TBL1XR1: variants seen among roughly 807,000 people sequenced by gnomAD.
TBL1XR1 encodes F-box-like/WD repeat-containing protein TBL1XR1.
TBL1XR1 carries 5 observed loss-of-function variants against 66.9 expected under a neutral mutation model. The observed-to-expected ratio is 0.07, with a 90% CI of 0.04 to 0.16. The LOEUF is 0.16. Ranked by LOEUF, TBL1XR1 falls within the 10% of genes least tolerant of loss-of-function variation. The pLI is 1.00. For synonymous variants in TBL1XR1, 210 were observed against 206.0 expected, an observed-to-expected ratio of 1.02 and a Z score of -0.17; for missense variants, 238 against 623.2, an observed-to-expected ratio of 0.38 and a Z score of 6.58.
intron 1 of TBL1XR1, among the ~76,000 whole-genome samples, chr3:177,193,681 T>A (rs1309038339): frequency 6.6e-6 from 1 of 152,162 alleles, no homozygotes; most frequent in African/African-American, 2.4e-5. Flanking sequence ...CATTTACCCA[T>A]GTAATCACTC....
upstream of TBL1XR1, among the ~76,000 whole-genome samples, chr3:177,201,412 C>A (rs2109036566): frequency 1.1e-5 from 1 of 88,822 alleles, no homozygotes. Context: ...GAGATTACAT[C>A]TCAAAAAAAA....
chr3:177,137,255 G>A (rs780037327), intron 1 of TBL1XR1, among the ~76,000 whole-genome samples: 1 of 152,252 alleles, frequency 6.6e-6, no homozygotes, highest in Non-Finnish European at 1.5e-5. Flanking sequence ...CACTTTGGGA[G>A]GCCAAGACGG....
intron 2 of TBL1XR1, among the ~76,000 whole-genome samples, chr3:177,074,740 CTAATA>C (rs909879855): frequency 2.0e-5 from 3 of 152,146 alleles, no homozygotes; most frequent in African/African-American, 7.2e-5. Context: ...GCTGAACAAC[CTAATA>C]TAACAAAATG....
At chr3:177,090,507 C>T (rs1184401268) in intron 2 of TBL1XR1, among the ~76,000 whole-genome samples, 2 of 131,634 alleles carry the variant, frequency 1.5e-5, no homozygotes, top group Middle Eastern at 3.6e-3. Context: ...CAGGGAGACA[C>T]TGTCTCTACT....
intron 10 of TBL1XR1, among the ~76,000 whole-genome samples, chr3:177,043,602 A>G (rs1715906244): frequency 1.3e-5 from 2 of 152,132 alleles, no homozygotes; most frequent in Admixed American, 6.5e-5. Flanking sequence ...TATTTGAAGT[A>G]TATTTTACAT....
At chr3:177,076,183 A>G (rs1389549488) in intron 2 of TBL1XR1, among the ~76,000 whole-genome samples, 1 of 152,130 alleles carries the variant, frequency 6.6e-6, no homozygotes, top group Admixed American at 6.5e-5. Flanking sequence ...TCACAATTCT[A>G]TTCACTGAGG....
intron 1 of TBL1XR1, among the ~76,000 whole-genome samples, chr3:177,187,357 T>C (rs1225000206): frequency 6.8e-6 from 1 of 147,352 alleles, no homozygotes; most frequent in African/African-American, 2.5e-5. Context: ...ATTGTGCTAT[T>C]GCACTCCAGT....
At chr3:177,153,890 A>AC (rs1463304163) in intron 1 of TBL1XR1, among the ~76,000 whole-genome samples, 1 of 151,330 alleles carries the variant, frequency 6.6e-6, no homozygotes, top group East Asian at 1.9e-4. Context: ...AAAAAAAAAA[A>AC]AAAAAAAGTA....
In TBL1XR1 at chr3:177,197,382, CGGCGGCGGGGGGA is replaced by C. The variant is rs1307774920; in HGVS notation, c.-396_-384del. 2 of 133,028 alleles carry C rather than the reference CGGCGGCGGGGGGA, an allele frequency of 1.5e-5. No homozygotes were observed. Among genetic ancestry groups the C allele is most frequent in the African/African-American group, 5.4e-5 (2 of 36,858 alleles). 8.2% of individuals were successfully genotyped at this position (133,028 alleles called of 1,614,324 possible). On this transcript the variant is annotated 5_prime_UTR_variant, in exon 1 of 16. Coordinates refer to ENST00000457928, the MANE Select transcript of TBL1XR1 (RefSeq NM_024665.7). ...GGGGAGGGGCGGGGGCGCACGCGGC[CGGCGGCGGGGGGA>C]GGCGGCGCGCGGGGGAAGGGCGCGA...
chr3:177,091,853 A>G (rs932731110), intron 2 of TBL1XR1, among the ~76,000 whole-genome samples: 7 of 152,174 alleles, frequency 4.6e-5, no homozygotes, highest in Non-Finnish European at 1.5e-5. Flanking sequence ...GTAACGAAAT[A>G]TCTGTTGGGG....
intron 1 of TBL1XR1, chr3:177,196,467 C>T (rs1736862954): frequency 6.7e-6 from 1 of 149,692 alleles, no homozygotes; most frequent in Admixed American, 6.6e-5. Flanking sequence ...GAGCAAGGCC[C>T]GGCTGCCGCG....
At chr3:177,057,849 A>G (rs1717996649) in intron 3 of TBL1XR1, among the ~76,000 whole-genome samples, 1 of 152,208 alleles carries the variant, frequency 6.6e-6, no homozygotes, top group African/African-American at 2.4e-5. Context: ...CCAGAAAGAA[A>G]TAAGACTGAA....
chr3:177,161,936 A>C (rs1198775826), intron 1 of TBL1XR1, among the ~76,000 whole-genome samples: 3 of 152,238 alleles, frequency 2.0e-5, no homozygotes. Context: ...AATAGCTGAA[A>C]CTAAAAAAGA....
intron 3 of TBL1XR1, among the ~76,000 whole-genome samples, chr3:177,063,143 C>T (rs1341899327): frequency 2.6e-5 from 4 of 152,012 alleles, no homozygotes; most frequent in Admixed American, 6.6e-5. Context: ...AAAAAACCCA[C>T]AACTTTTGAT....
rs1712289237 is a variant in TBL1XR1 at position 177,021,048 on chromosome 3, G to C, written c.*4450C>G. ...CATGTACAAAAACCTGTCATGGGCT[G>C]GTTTACACTTTTACAACAGTTTTAA... On this transcript the variant is annotated 3_prime_UTR_variant, in exon 16 of 16. Coordinates refer to ENST00000457928, the MANE Select transcript of TBL1XR1 (RefSeq NM_024665.7). 1 of 152,060 alleles carries C rather than the reference G, an allele frequency of 6.6e-6. No individual in the cohort carries two copies. The highest frequency in any genetic ancestry group is 6.5e-5 in the Admixed American group (1 of 15,274). 9.4% of individuals were successfully genotyped at this position (152,060 alleles called of 1,614,324 possible).
intron 2 of TBL1XR1, among the ~76,000 whole-genome samples, chr3:177,082,449 T>C (rs1248196337): frequency 6.6e-6 from 1 of 151,718 alleles, no homozygotes; most frequent in Non-Finnish European, 1.5e-5. Context: ...GATACTAATA[T>C]TTACTTTTCT....
chr3:177,048,788 C>T (rs1197448196), intron 7 of TBL1XR1, among the ~76,000 whole-genome samples: 1 of 152,126 alleles, frequency 6.6e-6, no homozygotes, highest in Non-Finnish European at 1.5e-5. Flanking sequence ...TTTTTAAAAG[C>T]CCACACTTTT....
At chr3:177,156,599 G>A (rs1731553126) in intron 1 of TBL1XR1, among the ~76,000 whole-genome samples, 1 of 147,936 alleles carries the variant, frequency 6.8e-6, no homozygotes. Flanking sequence ...ATAAAATTCT[G>A]ACAAAACACT....
At chr3:177,064,273 T>A (rs1577061368) in intron 3 of TBL1XR1, among the ~76,000 whole-genome samples, 2 of 152,308 alleles carry the variant, frequency 1.3e-5, no homozygotes, top group Middle Eastern at 6.8e-3. Flanking sequence ...TTTCTCACCA[T>A]CCTATACCTC....
Sources: gnomAD v4.1 joint callset for allele counts (sites outside exome capture counted in the v4.1 genomes callset) on GRCh38, gnomAD v4.1.1 for gene constraint, MANE v1.5 for transcripts, NCBI Gene and HGNC (gene_info 2026-07-23, HGNC 2026-07-21) for gene names.